The following PEX5 variants were observed in gnomAD, a reference collection of about 807,000 sequenced individuals.
PEX5 encodes the protein peroxisomal biogenesis factor 5.
PEX5 carries 52 observed loss-of-function variants against 82.9 expected under a neutral mutation model. That is an observed-to-expected ratio of 0.63 (90% confidence interval 0.50 to 0.79). The LOEUF (loss-of-function observed/expected upper bound fraction) is 0.79, where lower values mean the gene tolerates loss of function less well. PEX5 is among the 30% of genes least tolerant of loss of function. PEX5 has a pLI of 0.00. For missense variants in PEX5, 719 were observed against 815.2 expected, an observed-to-expected ratio of 0.88 and a Z score of 1.44; for synonymous variants, 300 against 318.8, an observed-to-expected ratio of 0.94 and a Z score of 0.63.
chr12:7,206,478 C>T (rs1025274655), intron 10 of PEX5, among the ~76,000 whole-genome samples: 6 of 152,302 alleles, frequency 3.9e-5, no homozygotes, highest in African/African-American at 4.8e-5. Flanking sequence ...ACTGGACTAG[C>T]GTCATTTTCT....
chr12:7,205,541 G>A (rs907960205), intron 10 of PEX5, among the ~76,000 whole-genome samples: 2 of 152,142 alleles, frequency 1.3e-5, no homozygotes, highest in Non-Finnish European at 2.9e-5. Flanking sequence ...GATCATTTCT[G>A]CAGTTTGATC....
At chr12:7,195,396 CTT>C (rs1351011948) in intron 5 of PEX5, among the ~76,000 whole-genome samples, 2 of 152,062 alleles carry the variant, frequency 1.3e-5, no homozygotes, top group Admixed American at 1.3e-4. Flanking sequence ...GTGTGTTACT[CTT>C]TTGATTCTTT....
chr12:7,193,924 C>T (rs1449363437), intron 5 of PEX5, among the ~76,000 whole-genome samples: 1 of 152,174 alleles, frequency 6.6e-6, no homozygotes, highest in Non-Finnish European at 1.5e-5. Context: ...ACATGCAAAC[C>T]TTAGAATGGG....
intron 4 of PEX5, 94 bp downstream of exon 4, chr12:7,191,452 TG>T: frequency 6.3e-7 from 1 of 1,598,962 alleles, no homozygotes; most frequent in Non-Finnish European, 8.6e-7. Flanking sequence ...ATTGGGGACC[TG>T]AGATGCAGAA....
intron 1 of PEX5, 56 bp from the exon 2 acceptor site, chr12:7,190,306 G>C: frequency 6.2e-7 from 1 of 1,603,686 alleles, no homozygotes; most frequent in South Asian, 1.1e-5. Context: ...CAGAGTTGTG[G>C]ATGTGAGAAG....
rs774781585 is a variant in PEX5 at position 7,208,062 on chromosome 12, C to CCAT, written c.1166_1168dup (p.Ile389dup). Reference sequence around the variant, plus strand: ...GCAGAGAATGAACAAGAACTATTAGCCATCAGTGCATTGCGGAGGTGAGTA... The same window carrying CCAT: ...GCAGAGAATGAACAAGAACTATTAGCCATCATCAGTGCATTGCGGAGGTGAGTA... On this transcript the variant is annotated inframe_insertion, in exon 12 of 16. Transcript: ENST00000675855. The CCAT allele has an allele frequency of 1.2e-6, 2 of 1,613,232 alleles. No homozygotes were observed. The highest frequency in any genetic ancestry group is 2.7e-5 in the African/African-American group (2 of 74,890).
chr12:7,201,551 G>A (rs149866241), intron 6 of PEX5, among the ~76,000 whole-genome samples, 200 bp from the exon 7 acceptor site: 90 of 152,242 alleles, frequency 5.9e-4, no homozygotes, highest in Non-Finnish European at 9.3e-4. Context: ...TTTGGGAAAG[G>A]GAGAGCTAGA....
downstream of PEX5, among the ~76,000 whole-genome samples, chr12:7,213,979 C>T (rs866119171): frequency 2.6e-5 from 3 of 116,340 alleles, no homozygotes; most frequent in Non-Finnish European, 4.2e-5. Flanking sequence ...AAAATGCTCA[C>T]CATCACTGGC....
chr12:7,205,110 G>A (rs187244288), intron 10 of PEX5, among the ~76,000 whole-genome samples: 73 of 152,234 alleles, frequency 4.8e-4, no homozygotes, highest in Non-Finnish European at 7.4e-5. Context: ...CTTGACATTA[G>A]TCTTTGCAAT....
In PEX5 at chr12:7,201,830, G is replaced by C; in HGVS notation, c.631G>C (p.Ala211Pro). 6.2e-7 allele frequency: 1 copy of C among 1,612,574 alleles called. No homozygotes were observed. The highest frequency in any genetic ancestry group is 8.5e-7 in the Non-Finnish European group (1 of 1,178,656). ...FVAKVDDPKL[A>P]NSEFLKFVRQ... is the part of the protein sequence containing the mutation. ...GGCCAAAGTGGATGACCCCAAATTG[G>C]CTAATTCTGAGGTGAGCCACATCCC... The change falls in exon 7 of 16, where the codon GCT becomes CCT. Residue 211 changes from alanine to proline, a missense_variant. Physicochemically the swap from Ala to Pro is conservative, Grantham distance 27. Transcript: ENST00000675855.
At position 7,209,105 on chromosome 12, in the gene PEX5, A is replaced by G. The variant is rs1226664596; in HGVS notation, c.1495A>G (p.Asn499Asp). ...GCAGTGTGGCTTGGGAGTCCTTTTC[A>G]ACCTGAGTGGGGAGTATGACAAGGC... ...DVQCGLGVLF[N>D]LSGEYDKAVD... is the part of the protein sequence containing the mutation. The change falls in exon 14 of 16, where the codon AAC becomes GAC. Residue 499 changes from asparagine to aspartate, a missense_variant. Coordinates refer to ENST00000675855, the MANE Select transcript of PEX5 (RefSeq NM_001351132.2). The G allele has an allele frequency of 6.2e-7, 1 of 1,613,910 alleles. No individual in the cohort carries two copies. The highest frequency in any genetic ancestry group is 8.5e-7 in the Non-Finnish European group (1 of 1,180,012).
At chr12:7,206,342 C>T (rs1432332589) in intron 10 of PEX5, among the ~76,000 whole-genome samples, 3 of 152,192 alleles carry the variant, frequency 2.0e-5, no homozygotes, top group Non-Finnish European at 4.4e-5. Context: ...GGAAGACAGC[C>T]GTGCTCATTT....
Position 7,208,457 on chromosome 12 carries a change from G to C in PEX5, c.1182G>C (p.Arg394Ser). Residue 394 changes from arginine to serine, a missense_variant and splice_region_variant, in exon 13 of 16, where the codon AGG becomes AGC. Coordinates refer to ENST00000675855, the MANE Select transcript of PEX5 (RefSeq NM_001351132.2). ...QELLAISALR[R>S]CLELKPDNQT... ...AGTCTGCCCATCCCTGATCAAACAG[G>C]TGTCTGGAGCTAAAGCCAGATAACC... 6.2e-7 allele frequency: 1 copy of C among 1,611,736 alleles called. No individual in the cohort carries two copies. Among genetic ancestry groups the C allele is most frequent in the Non-Finnish European group, 8.5e-7 (1 of 1,177,850 alleles).
rs775941645 is a variant in PEX5, at chr12:7,197,150, ATAT to A, written c.449-1860_449-1858del. ...ATATGTCATATATAATGTAATAATTATATATGTCATATATAATGTAATTATATA... is the reference window on the plus strand; with the variant it reads ...ATATGTCATATATAATGTAATAATTAATGTCATATATAATGTAATTATATA... On this transcript the variant is annotated intron_variant, in intron 5 of 15. Transcript: ENST00000675855. 2.1e-4 allele frequency among the ~76,000 whole-genome samples: 20 copies of A among 94,804 alleles called. 1 individual carries two copies. Among genetic ancestry groups the A allele is most frequent in the African/African-American group, 7.6e-4 (19 of 25,032 alleles). 62.2% of individuals were successfully genotyped at this position (94,804 alleles called of 152,430 possible).
chr12:7,196,209 A>ATAATTATATATGTCATATATAATT (rs1942100248), intron 5 of PEX5, among the ~76,000 whole-genome samples: 1 of 130,314 alleles, frequency 7.7e-6, no homozygotes, highest in Non-Finnish European at 1.6e-5. Context: ...ATGTTATGTA[A>ATAATTATATATGTCATATATAATT]TAATTATATA....
chr12:7,208,703 C>T (rs900289631), intron 13 of PEX5, 34 bp downstream of exon 13: 4 of 1,549,936 alleles, frequency 2.6e-6, no homozygotes, highest in Non-Finnish European at 1.8e-6. Flanking sequence ...TGAGGAATTA[C>T]AGTAACCTAA....
chr12:7,196,205 TGTAA>T, intron 5 of PEX5, among the ~76,000 whole-genome samples: 1 of 136,846 alleles, frequency 7.3e-6, no homozygotes, highest in Non-Finnish European at 1.5e-5. Context: ...ATATATGTTA[TGTAA>T]TAATTATATA....
At chr12:7,208,167 G>T in intron 12 of PEX5, 87 bp downstream of exon 12, 3 of 1,013,480 alleles carry the variant, frequency 3.0e-6, no homozygotes, top group Non-Finnish European at 4.7e-6. Context: ...CTGGATCCTT[G>T]TCTTCTTTCT....
rs759706755 is a variant in PEX5, at chr12:7,208,661, C to G, written c.1386C>G (p.Leu462=). 6.2e-7 allele frequency: 1 copy of G among 1,612,450 alleles called. No individual in the cohort carries two copies. Among genetic ancestry groups the G allele is most frequent in the Non-Finnish European group, 8.5e-7 (1 of 1,178,618 alleles). The part of the protein sequence containing the change: ...LGPSKRILGS[L]LSDSLFLEVK... Reference sequence around the variant, plus strand: ...CCAGCAAGCGTATCCTGGGATCTCTCTTGTCTGAGTGAGTATGAGGGGTTC... The same window carrying G: ...CCAGCAAGCGTATCCTGGGATCTCTGTTGTCTGAGTGAGTATGAGGGGTTC... Residue 462 remains leucine (L), a synonymous_variant, in exon 13 of 16, where the codon CTC becomes CTG. Transcript: ENST00000675855.
Sources: allele counts gnomAD v4.1 joint callset (sites outside exome capture counted in the v4.1 genomes callset), GRCh38; gene constraint gnomAD v4.1.1; transcripts MANE v1.5; gene names NCBI Gene and HGNC (gene_info 2026-07-23, HGNC 2026-07-21).